EDEM3: variants seen among roughly 807,000 people sequenced by gnomAD.
The protein encoded by EDEM3 is ER degradation enhancing alpha-mannosidase like protein 3.
Under a neutral mutation model 110.2 loss-of-function variants are expected in EDEM3, and 60 were observed. The ratio of observed to expected loss-of-function variants is 0.54; its 90% CI spans 0.44 to 0.67. The LOEUF is 0.67. EDEM3 is among the 30% of genes least tolerant of loss of function. The pLI, the probability that EDEM3 is intolerant of heterozygous loss-of-function variation, is 0.00. For missense variants in EDEM3, 996 were observed against 1,121.0 expected, an observed-to-expected ratio of 0.89 and a Z score of 1.59; for synonymous variants, 352 against 382.9, an observed-to-expected ratio of 0.92 and a Z score of 0.94.
intron 18 of EDEM3, among the ~76,000 whole-genome samples, chr1:184,703,243 A>C (rs1300162716): frequency 6.6e-6 from 1 of 152,226 alleles, no homozygotes; most frequent in East Asian, 1.9e-4. Flanking sequence ...ACAACTGTAC[A>C]CCATTATAAG....
chr1:184,718,227 AAGAC>A (rs1650663371), intron 11 of EDEM3, among the ~76,000 whole-genome samples: 2 of 152,088 alleles, frequency 1.3e-5, no homozygotes, highest in Admixed American at 6.5e-5. Context: ...TTTGTGGAAT[AAGAC>A]AGAGCATTAT....
At chr1:184,738,532 TCAGATAC>T (rs1480988066) in intron 2 of EDEM3, among the ~76,000 whole-genome samples, 2 of 152,214 alleles carry the variant, frequency 1.3e-5, no homozygotes, top group Non-Finnish European at 1.5e-5. Flanking sequence ...TTTCTATGTA[TCAGATAC>T]CTAAAAATAG....
intron 1 of EDEM3, 36 bp from the exon 2 acceptor site, chr1:184,749,628 A>T: frequency 6.9e-7 from 1 of 1,457,632 alleles, no homozygotes; most frequent in Non-Finnish European, 9.3e-7. Flanking sequence ...AAAAAAAAAA[A>T]AAAAAGGTAA....
chr1:184,737,819 G>T, intron 2 of EDEM3, 108 bp from the exon 3 acceptor site: 2 of 937,334 alleles, frequency 2.1e-6, no homozygotes, highest in Non-Finnish European at 3.1e-6. Context: ...GTCAAAAGTT[G>T]TACTAAATTT....
intron 9 of EDEM3, among the ~76,000 whole-genome samples, chr1:184,719,834 C>T (rs1036009000): frequency 6.6e-6 from 1 of 152,244 alleles, no homozygotes; most frequent in Non-Finnish European, 1.5e-5. Context: ...AACTGAACAT[C>T]TCTATGCCCT....
intron 5 of EDEM3, among the ~76,000 whole-genome samples, chr1:184,733,942 C>T (rs568835561): frequency 3.7e-4 from 57 of 152,146 alleles, no homozygotes; most frequent in South Asian, 1.2e-3. Flanking sequence ...TAACAAACTA[C>T]GTAAGCTGGT....
intron 2 of EDEM3, among the ~76,000 whole-genome samples, chr1:184,738,603 G>A (rs1651960529): frequency 1.3e-5 from 2 of 151,794 alleles, no homozygotes; most frequent in Admixed American, 1.3e-4. Flanking sequence ...GCTACAAATT[G>A]AGGACACCAA....
Position 184,690,411 on chromosome 1 carries a change from T to TA in EDEM3, c.*3651dup, listed in dbSNP as rs71555442. 0.54 allele frequency: 80,694 copies of TA among 148,950 alleles called. 22,291 individuals carry two copies. Among genetic ancestry groups the TA allele is most frequent in the East Asian group, 0.68 (3,475 of 5,094 alleles). 9.2% of individuals were successfully genotyped at this position (148,950 alleles called of 1,614,324 possible). A position where few individuals can be genotyped will look rare whatever the true frequency, so the allele number is the denominator to read the frequency against. Reference sequence around the variant, plus strand: ...CAATCCCCGGAGGATAAAATGAGTTTAAAAAAAAAAGGAAAACAGAGTGAT... The same window carrying TA: ...CAATCCCCGGAGGATAAAATGAGTTTAAAAAAAAAAAGGAAAACAGAGTGAT... On this transcript the variant is annotated 3_prime_UTR_variant, in exon 20 of 20. Coordinates refer to ENST00000318130, the MANE Select transcript of EDEM3 (RefSeq NM_025191.4).
intron 19 of EDEM3, among the ~76,000 whole-genome samples, chr1:184,696,884 A>G (rs1380696427): frequency 6.6e-6 from 1 of 151,932 alleles, no homozygotes; most frequent in Non-Finnish European, 1.5e-5. Context: ...AAACTCTCCT[A>G]GGGTTACATA....
At chr1:184,718,778 T>TA (rs1370085941) in intron 11 of EDEM3, among the ~76,000 whole-genome samples, 1 of 152,126 alleles carries the variant, frequency 6.6e-6, no homozygotes, top group African/African-American at 2.4e-5. Flanking sequence ...ACTGTTTTCA[T>TA]AAGACAAGCT....
chr1:184,718,604 A>G (rs1650687410), intron 11 of EDEM3, among the ~76,000 whole-genome samples: 1 of 152,152 alleles, frequency 6.6e-6, no homozygotes, highest in Non-Finnish European at 1.5e-5. Flanking sequence ...GGAAGCCAAA[A>G]AGTATGCTAT....
At chr1:184,749,204 T>C (rs913927470) in intron 2 of EDEM3, among the ~76,000 whole-genome samples, 1 of 152,168 alleles carries the variant, frequency 6.6e-6, no homozygotes, top group African/African-American at 2.4e-5. Flanking sequence ...TTGTAAACAT[T>C]TTTTTAAATT....
intron 2 of EDEM3, among the ~76,000 whole-genome samples, chr1:184,747,908 G>A (rs1407127366): frequency 5.3e-5 from 8 of 152,176 alleles, no homozygotes. Context: ...ATAAAGAGAT[G>A]ATCCTATTCA....
At position 184,710,653 on chromosome 1, in the gene EDEM3, A is replaced by C. The variant is rs2102071338; in HGVS notation, c.1692-106T>G. 3.1e-6 allele frequency: 4 copies of C among 1,277,942 alleles called. No individual in the cohort carries two copies. The South Asian group carries it at 6.4e-5, about 20-fold the overall frequency. 79.2% of individuals were successfully genotyped at this position (1,277,942 alleles called of 1,614,324 possible). A position where few individuals can be genotyped will look rare whatever the true frequency, so the allele number is the denominator to read the frequency against. On this transcript the variant is annotated intron_variant, in intron 15 of 19. Transcript: ENST00000318130. ...TTACTTGCAAAATTGCTAGTTTTAG[A>C]ACTAGTGAAACTGGAATAACTAGAA...
intron 14 of EDEM3, 148 bp from the exon 15 acceptor site, chr1:184,712,025 C>G (rs1221374730): frequency 2.2e-5 from 13 of 596,822 alleles, no homozygotes; most frequent in Non-Finnish European, 3.2e-5. Context: ...CTCCTGGGTT[C>G]ATGCCATTCT....
chr1:184,718,749 A>C (rs1275981306), intron 11 of EDEM3, among the ~76,000 whole-genome samples: 1 of 152,206 alleles, frequency 6.6e-6, no homozygotes, highest in Non-Finnish European at 1.5e-5. Context: ...TGTGAACAAC[A>C]AAAGTATATC....
rs200495744 is a variant in EDEM3 at position 184,690,422 on chromosome 1, G to C, written c.*3641C>G. On this transcript the variant is annotated 3_prime_UTR_variant, in exon 20 of 20. Coordinates refer to ENST00000318130, the MANE Select transcript of EDEM3 (RefSeq NM_025191.4). The stretch of plus-strand genomic sequence containing the variant: ...GGATAAAATGAGTTTAAAAAAAAAA[G>C]GAAAACAGAGTGATAAACATCAAGA... The C allele has an allele frequency of 7.0e-6, 1 of 142,730 alleles. No individual in the cohort carries two copies. The highest frequency in any genetic ancestry group is 1.5e-5 in the Non-Finnish European group (1 of 65,274). The allele number at this position is 142,730 out of a possible 1,614,324, so 8.8% of individuals were successfully genotyped here. A position where few individuals can be genotyped will look rare whatever the true frequency, so the allele number is the denominator to read the frequency against.
intron 6 of EDEM3, 38 bp downstream of exon 6, chr1:184,732,799 A>G (rs1223862575): frequency 2.5e-6 from 4 of 1,575,642 alleles, no homozygotes; most frequent in East Asian, 2.3e-5. Context: ...AACAGCAAAG[A>G]AAGTATATAA....
At position 184,733,145 on chromosome 1, in the gene EDEM3, T is replaced by C. The variant is rs567822295; in HGVS notation, c.459-155A>G. Among the ~76,000 whole-genome samples the C allele has an allele frequency of 1.5e-3, 221 of 152,366 alleles. 2 individuals are homozygous for C. Among genetic ancestry groups the C allele is most frequent in the Non-Finnish European group, 4.8e-4 (33 of 68,046 alleles). On this transcript the variant is annotated intron_variant, in intron 5 of 19. Transcript: ENST00000318130. ...TTACTTAACACTGCTCATTTTATGG[T>C]AAGCCATTACAATTACAGAGTCAAT...
Sources: gnomAD v4.1 joint callset for allele counts (sites outside exome capture counted in the v4.1 genomes callset) on GRCh38, gnomAD v4.1.1 for gene constraint, MANE v1.5 for transcripts, NCBI Gene and HGNC (gene_info 2026-07-23, HGNC 2026-07-21) for gene names.